The following SYNE2 variants were observed in gnomAD, a reference collection of about 807,000 sequenced individuals.
The protein encoded by SYNE2 is spectrin repeat containing nuclear envelope protein 2.
In SYNE2, 431 loss-of-function variants were observed where a neutral mutation model predicts 856.3. That is an observed-to-expected ratio of 0.50 (90% confidence interval 0.47 to 0.55). The LOEUF is 0.55. Among genes scored for constraint, SYNE2 ranks in the 20% least tolerant of loss-of-function variants. The probability of loss-of-function intolerance (pLI) is 0.00; values close to 1 mark genes in which losing one functional copy is unlikely to be tolerated. For missense variants in SYNE2, 8,129 were observed against 8,023.2 expected, an observed-to-expected ratio of 1.01 and a Z score of -0.50; for synonymous variants, 2,923 against 2,872.3, an observed-to-expected ratio of 1.02 and a Z score of -0.56.
chr14:63,921,798 T>C (rs2095604245), intron 2 of SYNE2, among the ~76,000 whole-genome samples: 1 of 152,152 alleles, frequency 6.6e-6, no homozygotes, highest in Non-Finnish European at 1.5e-5. Flanking sequence ...ATAGCCAGTG[T>C]AGACAACTCT....
Position 64,052,859 on chromosome 14 carries a change from T to C in SYNE2, c.8946T>C (p.Tyr2982=). 2 of 1,613,830 alleles carry C rather than the reference T, an allele frequency of 1.2e-6. No homozygotes were observed. The highest frequency in any genetic ancestry group is 1.7e-6 in the Non-Finnish European group (2 of 1,179,982). ...EVNKGVKEEI[Y]NLKDRLTAIK... ...ATAAAGGTGTTAAAGAGGAGATCTA[T>C]AATCTTAAAGACAGACTCACCGCTA... Residue 2982 remains tyrosine, a synonymous_variant, in exon 48 of 116, where the codon TAT becomes TAC. Coordinates refer to ENST00000555002, the MANE Select transcript of SYNE2 (RefSeq NM_182914.3).
At chr14:63,774,013 C>T (rs1000251040) in intron 1 of SYNE2, among the ~76,000 whole-genome samples, 2 of 152,144 alleles carry the variant, frequency 1.3e-5, no homozygotes, top group African/African-American at 4.8e-5. Flanking sequence ...CACTAGAAGA[C>T]GTTTCCCTCA....
rs1051901642 is a variant in SYNE2 at position 64,139,560 on chromosome 14, T to C, written c.14844-381T>C. The stretch of plus-strand genomic sequence containing the variant: ...CTGAGTAGCTGGGACTACAGGCGCC[T>C]GCCACCATGCCTGGGTATTTTCTGT... On this transcript the variant is annotated intron_variant, in intron 79 of 115. Coordinates refer to ENST00000555002, the MANE Select transcript of SYNE2 (RefSeq NM_182914.3). Among the ~76,000 whole-genome samples the C allele has an allele frequency of 3.9e-5, 6 of 152,124 alleles. No individual in the cohort carries two copies. In the South Asian group the frequency reaches 1.0e-3, roughly 26 times the overall value.
In SYNE2 at chr14:63,990,477, G is replaced by A; in HGVS notation, c.2380G>A (p.Asp794Asn). ...MARSEDMLQM[D>N]IQNISSQESF... Reference sequence around the variant, plus strand: ...AAGAAGTGAAGATATGTTACAAATGGATATACAAAATATTTCAAGCCAGGA... The same window carrying A: ...AAGAAGTGAAGATATGTTACAAATGAATATACAAAATATTTCAAGCCAGGA... Residue 794 changes from aspartate (D) to asparagine (N), a missense_variant, in exon 20 of 116, where the codon GAT (aspartate) becomes AAT (asparagine). Transcript: ENST00000555002. The A allele has an allele frequency of 3.1e-6, 5 of 1,613,736 alleles. No individual in the cohort carries two copies. The South Asian group carries it at 3.3e-5, about 11-fold the overall frequency.
Position 64,104,778 on chromosome 14 carries a change from T to G in SYNE2, c.12493-2713T>G, listed in dbSNP as rs2097760675. On this transcript the variant is annotated intron_variant, in intron 64 of 115. Coordinates refer to ENST00000555002, the MANE Select transcript of SYNE2 (RefSeq NM_182914.3). ...TCTGTTTTCTTTCAGGGCAATTTTATTTCCTCTGAGAGCTTGTGGTCACCT... is the reference window on the plus strand; with the variant it reads ...TCTGTTTTCTTTCAGGGCAATTTTAGTTCCTCTGAGAGCTTGTGGTCACCT... Among the ~76,000 whole-genome samples, 2 of 152,168 alleles carry G rather than the reference T, an allele frequency of 1.3e-5. 1 individual carries two copies. The highest frequency in any genetic ancestry group is 4.1e-4 in the South Asian group (2 of 4,828).
chr14:64,164,141 G>A (rs138794959), intron 89 of SYNE2, among the ~76,000 whole-genome samples: 30 of 145,642 alleles, frequency 2.1e-4, no homozygotes, highest in African/African-American at 5.6e-4. Flanking sequence ...GAGATGTCTC[G>A]TTCTGTCGCC....
Position 63,983,741 on chromosome 14 carries a change from T to A in SYNE2, c.2006T>A (p.Met669Lys), listed in dbSNP as rs775502077. 1 of 1,611,910 alleles carries A rather than the reference T, an allele frequency of 6.2e-7. No individual in the cohort carries two copies. Among genetic ancestry groups the A allele is most frequent in the Admixed American group, 1.7e-5 (1 of 59,994 alleles). Reference sequence around the variant, plus strand: ...TCATGAAATTATTTTGTATAGGAAATGAACCTGCCACTGATGATAAAAAAA... The same window carrying A: ...TCATGAAATTATTTTGTATAGGAAAAGAACCTGCCACTGATGATAAAAAAA... ...RKLVSKTQLE[M>K]NLPLMIKKQD... Residue 669 changes from methionine (M) to lysine (K), a missense_variant, in exon 18 of 116, where the codon ATG (methionine) becomes AAG (lysine). Met to Lys is a moderately conservative substitution (Grantham distance 95). Around this residue, in one of 3 missense-constraint regions of SYNE2, gnomAD observed 2,422 missense variants for 2,357.4 expected, o/e 1.03. Transcript: ENST00000555002.
In SYNE2 at chr14:64,141,520, C is replaced by A. The variant is rs192245168; in HGVS notation, c.15156C>A (p.His5052Gln). ...TTCCAGATATTCAAGAAAAACTTCA[C>A]CAGGTAAGTCTTTAGAGCCTCAGCA... ...TQLPDIQEKL[H>Q]QLQMEKLPSR... Residue 5052 changes from histidine to glutamine, a missense_variant, in exon 81 of 116, where the codon CAC (histidine) becomes CAA (glutamine). His to Gln is a conservative substitution (Grantham distance 24). Coordinates refer to ENST00000555002, the MANE Select transcript of SYNE2 (RefSeq NM_182914.3). The A allele has an allele frequency of 4.3e-6, 7 of 1,613,788 alleles. No homozygotes were observed. In the Admixed American group the frequency reaches 1.2e-4, roughly 27 times the overall value.
At chr14:64,143,978 G>A in intron 83 of SYNE2, 30 bp downstream of exon 83, 1 of 1,613,550 alleles carries the variant, frequency 6.2e-7, no homozygotes, top group African/African-American at 1.3e-5. Context: ...CTGGATGTGT[G>A]GTTTGACCTT....
chr14:64,142,770 A>G (rs1292251362), intron 82 of SYNE2, among the ~76,000 whole-genome samples: 2 of 152,250 alleles, frequency 1.3e-5, no homozygotes, highest in Non-Finnish European at 2.9e-5. Flanking sequence ...TTCTTTGAGT[A>G]AGAGAATGAG....
Position 64,025,320 on chromosome 14 carries a change from C to A in SYNE2, c.6151C>A (p.His2051Asn). The part of the protein sequence containing the change: ...TEDQSFNDLA[H>N]DVIHWIKEIK... ...GGACCAGAGCTTTAATGATCTTGCA[C>A]ATGATGTAATTCATTGGATAAAAGA... The change falls in exon 41 of 116, where the codon CAT (histidine) becomes AAT (asparagine). Residue 2051 changes from histidine to asparagine, a missense_variant. His to Asn is a moderately conservative substitution (Grantham distance 68). Coordinates refer to ENST00000555002, the MANE Select transcript of SYNE2 (RefSeq NM_182914.3). 1 of 1,614,012 alleles carries A rather than the reference C, an allele frequency of 6.2e-7. No individual in the cohort carries two copies. The highest frequency in any genetic ancestry group is 8.5e-7 in the Non-Finnish European group (1 of 1,179,972).
At chr14:63,832,350 A>G (rs977662457) in intron 1 of SYNE2, among the ~76,000 whole-genome samples, 1 of 151,868 alleles carries the variant, frequency 6.6e-6, no homozygotes, top group East Asian at 2.0e-4. Context: ...CATGTTGCCC[A>G]GGCTGGTCTG....
chr14:64,213,586 CTCTT>C (rs2098652438), intron 105 of SYNE2, among the ~76,000 whole-genome samples: 1 of 152,230 alleles, frequency 6.6e-6, no homozygotes, highest in South Asian at 2.1e-4. Context: ...CGACTGGCCA[CTCTT>C]TCTTTTTTTG....
At chr14:64,215,021 T>C (rs1381877696) in intron 106 of SYNE2, among the ~76,000 whole-genome samples, 2 of 152,198 alleles carry the variant, frequency 1.3e-5, no homozygotes, top group Non-Finnish European at 2.9e-5. Flanking sequence ...ATTGCAGACA[T>C]GAGCCACTGT....
In SYNE2 at chr14:64,143,779, G is replaced by T; in HGVS notation, c.15314G>T (p.Arg5105Ile). 6.2e-7 allele frequency: 1 copy of T among 1,614,162 alleles called. No homozygotes were observed. Among genetic ancestry groups the T allele is most frequent in the Non-Finnish European group, 8.5e-7 (1 of 1,180,014 alleles). ...TAACTTTGCTTATTTTAGGAGTTTA[G>T]AATGGAAATGGACTATAAACAGTGG... ...KHLLQKHKEF[R>I]MEMDYKQWIV... The change falls in exon 83 of 116, where the codon AGA becomes ATA. Residue 5105 changes from arginine (R) to isoleucine (I), a missense_variant. By Grantham distance (97) the Arg-to-Ile change is moderately conservative. This residue lies in a region of SYNE2 where 5,410 missense variants were observed against 5,284.8 expected (regional missense o/e 1.02). Transcript: ENST00000555002.
chr14:64,021,720 A>C, intron 36 of SYNE2, 137 bp from the exon 37 acceptor site: 1 of 1,060,960 alleles, frequency 9.4e-7, no homozygotes, highest in East Asian at 2.5e-5. Flanking sequence ...TGTATCATAC[A>C]TTTACTAGCA....
rs762837727 is a variant in SYNE2 at position 64,027,592 on chromosome 14, A to ACAC, written c.6515_6516insCCA (p.Leu2171_Gln2172insHis). 9.9e-6 allele frequency: 16 copies of ACAC among 1,613,992 alleles called. No individual in the cohort carries two copies. Among genetic ancestry groups the ACAC allele is most frequent in the Non-Finnish European group, 1.4e-5 (16 of 1,179,984 alleles). On this transcript the variant is annotated inframe_insertion, in exon 43 of 116. Coordinates refer to ENST00000555002, the MANE Select transcript of SYNE2 (RefSeq NM_182914.3). ...AGAAACAGGAAGCAGGCTTTGCTCTACAACATGGTCTGCAGGAGAAGAAAG... is the reference window on the plus strand; with the variant it reads ...AGAAACAGGAAGCAGGCTTTGCTCTACACCAACATGGTCTGCAGGAGAAGAAAG...
At chr14:64,072,439 T>A (rs750821915) in intron 52 of SYNE2, among the ~76,000 whole-genome samples, 5 of 151,438 alleles carry the variant, frequency 3.3e-5, no homozygotes, top group Non-Finnish European at 7.4e-5. Flanking sequence ...GCTCAATCCA[T>A]CCCACAAGAG....
At chr14:63,773,933 G>A (rs1396852508) in intron 1 of SYNE2, among the ~76,000 whole-genome samples, 1 of 152,112 alleles carries the variant, frequency 6.6e-6, no homozygotes, top group African/African-American at 2.4e-5. Context: ...ACCTCTCATA[G>A]GACTTTTACA....
Sources: gnomAD v4.1 joint callset for allele counts (sites outside exome capture counted in the v4.1 genomes callset) on GRCh38, gnomAD v4.1.1 for gene constraint, gnomAD v4.1.1 regional missense constraint, MANE v1.5 for transcripts, NCBI Gene and HGNC (gene_info 2026-07-23, HGNC 2026-07-21) for gene names.